RBFOX1: variants seen among roughly 807,000 people sequenced by gnomAD.
RBFOX1 encodes the protein RNA binding protein fox-1 homolog 1.
A neutral mutation model predicts 57.7 loss-of-function variants in RBFOX1; 8 were observed. The observed-to-expected ratio is 0.14, with a 90% CI of 0.08 to 0.25. The LOEUF is 0.25. Among genes scored for constraint, RBFOX1 ranks in the 10% least tolerant of loss-of-function variants. The pLI is 1.00. For synonymous variants in RBFOX1, 326 were observed against 222.4 expected (o/e 1.47, Z -4.15); for missense variants, 611 against 548.5 (o/e 1.11, Z -1.14).
intron 4 of RBFOX1, among the ~76,000 whole-genome samples, chr16:7,206,818 T>C (rs2090077240): frequency 6.6e-6 from 1 of 152,036 alleles, no homozygotes; most frequent in African/African-American, 2.4e-5. Context: ...GCATTTTAAG[T>C]TGGGATTTAT....
At chr16:6,204,446 A>G (rs2097239733) in intron 1 of RBFOX1, among the ~76,000 whole-genome samples, 1 of 152,148 alleles carries the variant, frequency 6.6e-6, no homozygotes, top group African/African-American at 2.4e-5. Flanking sequence ...TGAACTTGCT[A>G]GGCACTTGGG....
At chr16:6,895,707 G>C (rs775809628) in intron 3 of RBFOX1, among the ~76,000 whole-genome samples, 2 of 151,698 alleles carry the variant, frequency 1.3e-5, no homozygotes, top group African/African-American at 4.8e-5. Flanking sequence ...AAGAGTAAAG[G>C]ATACTCATGT....
At chr16:6,950,914 C>CT (rs34005825) in intron 3 of RBFOX1, among the ~76,000 whole-genome samples, 52 of 149,144 alleles carry the variant, frequency 3.5e-4, no homozygotes, top group African/African-American at 6.9e-4. Context: ...TTCTTTCTCT[C>CT]TTTTTTTTTG....
intron 3 of RBFOX1, among the ~76,000 whole-genome samples, chr16:6,687,736 G>T (rs1568217834): frequency 6.6e-6 from 1 of 152,102 alleles, no homozygotes; most frequent in Non-Finnish European, 1.5e-5. Context: ...AGGATGGAAG[G>T]CTCACAGCTA....
At chr16:5,480,801 A>G (rs889069445) in intron 2 of RBFOX1, among the ~76,000 whole-genome samples, 1 of 152,194 alleles carries the variant, frequency 6.6e-6, no homozygotes, top group Non-Finnish European at 1.5e-5. Flanking sequence ...TGCATGCATA[A>G]TATGTCACCA....
chr16:6,927,651 TAGTG>T (rs745456509), intron 3 of RBFOX1, among the ~76,000 whole-genome samples: 68 of 152,126 alleles, frequency 4.5e-4, no homozygotes, highest in South Asian at 1.0e-3. Context: ...TGTTGAATAA[TAGTG>T]AGGATGTCAG....
intron 2 of RBFOX1, among the ~76,000 whole-genome samples, chr16:6,531,091 G>A (rs777127728): frequency 6.6e-6 from 1 of 152,168 alleles, no homozygotes; most frequent in Non-Finnish European, 1.5e-5. Flanking sequence ...TACTGGAACT[G>A]CATGAGTGAC....
At chr16:6,463,478 G>A (rs2094966500) in intron 2 of RBFOX1, among the ~76,000 whole-genome samples, 1 of 152,150 alleles carries the variant, frequency 6.6e-6, no homozygotes, top group Non-Finnish European at 1.5e-5. Flanking sequence ...AACATTTGGG[G>A]TCAGAAGCTT....
chr16:5,893,843 C>T (rs1462302829), intron 4 of RBFOX1, among the ~76,000 whole-genome samples: 1 of 151,870 alleles, frequency 6.6e-6, no homozygotes, highest in Non-Finnish European at 1.5e-5. Context: ...TAAATATATG[C>T]ACCTGCTATG....
chr16:6,732,148 C>G (rs2068772811), intron 3 of RBFOX1, among the ~76,000 whole-genome samples: 1 of 152,136 alleles, frequency 6.6e-6, no homozygotes, highest in Non-Finnish European at 1.5e-5. Context: ...GTCTCTTTCC[C>G]CTATACATCT....
At chr16:5,948,946 GTAT>G (rs1567179860) in intron 4 of RBFOX1, among the ~76,000 whole-genome samples, 2 of 152,112 alleles carry the variant, frequency 1.3e-5, no homozygotes, top group Non-Finnish European at 2.9e-5. Context: ...CAATGATTTC[GTAT>G]TATTTTACCT....
chr16:6,011,383 TA>T (rs2094960417), intron 4 of RBFOX1, among the ~76,000 whole-genome samples: 1 of 152,186 alleles, frequency 6.6e-6, no homozygotes. Flanking sequence ...GTTTTTTTTT[TA>T]TTGGCCTTTG....
intron 4 of RBFOX1, among the ~76,000 whole-genome samples, chr16:7,156,028 C>T (rs1161289985): frequency 6.6e-6 from 1 of 151,810 alleles, no homozygotes; most frequent in African/African-American, 2.4e-5. Context: ...CACATACACA[C>T]ACGCACACAG....
intron 3 of RBFOX1, among the ~76,000 whole-genome samples, chr16:6,921,716 C>G (rs189652863): frequency 6.6e-5 from 10 of 150,380 alleles, no homozygotes; most frequent in Non-Finnish European, 1.5e-4. Flanking sequence ...AAAGTTATAC[C>G]GTGATAATGT....
chr16:6,238,439 G>A (rs1317568599), intron 1 of RBFOX1, among the ~76,000 whole-genome samples: 2 of 152,164 alleles, frequency 1.3e-5, no homozygotes, highest in African/African-American at 4.8e-5. Context: ...CTCGTAGGAT[G>A]CCTCCTGGCA....
intron 2 of RBFOX1, among the ~76,000 whole-genome samples, chr16:6,567,387 C>G (rs879614529): frequency 6.6e-6 from 1 of 152,122 alleles, no homozygotes; most frequent in African/African-American, 2.4e-5. Context: ...AGCTCAGGTT[C>G]GTTTGGTCTT....
At chr16:6,810,661 C>G (rs985220413) in intron 3 of RBFOX1, among the ~76,000 whole-genome samples, 2 of 152,042 alleles carry the variant, frequency 1.3e-5, no homozygotes, top group African/African-American at 4.8e-5. Flanking sequence ...TGACGCAGTT[C>G]CACATGGCTG....
intron 2 of RBFOX1, among the ~76,000 whole-genome samples, chr16:5,542,269 G>C (rs1168040777): frequency 7.9e-6 from 1 of 126,042 alleles, no homozygotes; most frequent in African/African-American, 3.1e-5. Context: ...TTTTTTTTGA[G>C]ACAGAGTCTT....
At chr16:7,671,678 C>A in intron 13 of RBFOX1, 2 of 1,303,592 alleles carry the variant, frequency 1.5e-6, no homozygotes, top group Non-Finnish European at 2.2e-6. Flanking sequence ...CAAGATAATT[C>A]TGGGGAGGGG....
Sources: gnomAD v4.1 joint callset for allele counts (sites outside exome capture counted in the v4.1 genomes callset) on GRCh38, gnomAD v4.1.1 for gene constraint, MANE v1.5 for transcripts, NCBI Gene and HGNC (gene_info 2026-07-23, HGNC 2026-07-21) for gene names.